STK32B: variants seen among roughly 807,000 people sequenced by gnomAD.
The protein encoded by STK32B is serine/threonine-protein kinase 32B.
Under a neutral mutation model 52.6 loss-of-function variants are expected in STK32B, and 43 were observed. That is an observed-to-expected ratio of 0.82 (90% CI 0.64 to 1.05). The LOEUF (loss-of-function observed/expected upper bound fraction) is 1.05, where lower values mean the gene tolerates loss of function less well. STK32B is among the 50% of genes least tolerant of loss of function. The probability of loss-of-function intolerance (pLI) is 0.00; values close to 1 mark genes in which losing one functional copy is unlikely to be tolerated. For synonymous variants in STK32B, 238 were observed against 204.3 expected, an observed-to-expected ratio of 1.17 and a Z score of -1.41; for missense variants, 621 against 534.6, an observed-to-expected ratio of 1.16 and a Z score of -1.59.
rs1035590694 is a variant in STK32B, at chr4:5,429,869, G to GT, written c.562+12944dup. On this transcript the variant is annotated intron_variant, in intron 6 of 11. Transcript: ENST00000282908. ...TACAGAACTCTGGGTTAAGAGGGTG[G>GT]TTTTTTTTTCCTTAGTCACTTAAAT... 4.0e-3 allele frequency among the ~76,000 whole-genome samples: 602 copies of GT among 150,588 alleles called. 2 individuals are homozygous for GT. The highest frequency in any genetic ancestry group is 0.014 in the African/African-American group (562 of 41,100).
Position 5,217,856 on chromosome 4 carries a change from T to G in STK32B, c.260+49406T>G, listed in dbSNP as rs116570311. Reference sequence around the variant, plus strand: ...AGCCCTTCATTTGAATGCTGGCTCTTGTTTATTGAGAAAATTAGTCTACCA... The same window carrying G: ...AGCCCTTCATTTGAATGCTGGCTCTGGTTTATTGAGAAAATTAGTCTACCA... On this transcript the variant is annotated intron_variant, in intron 3 of 11. Coordinates refer to ENST00000282908, the MANE Select transcript of STK32B (RefSeq NM_018401.3). 8.5e-3 allele frequency among the ~76,000 whole-genome samples: 1,298 copies of G among 152,290 alleles called. 18 individuals are homozygous for G. Among genetic ancestry groups the G allele is most frequent in the African/African-American group, 0.028 (1,172 of 41,552 alleles).
rs189712237 is a variant in STK32B, at chr4:5,421,368, G to A, written c.562+4434G>A. Among the ~76,000 whole-genome samples the A allele has an allele frequency of 9.1e-3, 1,387 of 152,178 alleles. 27 individuals carry two copies. Among genetic ancestry groups the A allele is most frequent in the African/African-American group, 0.032 (1,319 of 41,544 alleles). ...GCCTCCCAAAGTGCTGGGATTACAG[G>A]CATGAGCCACCATGCCTGGCTAATT... is the stretch of plus-strand genomic sequence containing the variant. On this transcript the variant is annotated intron_variant, in intron 6 of 11. Transcript: ENST00000282908.
chr4:5,031,583 T>C, the STK32B span, among the ~76,000 whole-genome samples: 3 of 151,630 alleles, frequency 2.0e-5, no homozygotes, highest in African/African-American at 7.3e-5. Context: ...TAGGAGACTC[T>C]GTCTCCAAAA....
chr4:5,259,866 C>A (rs533351462), intron 3 of STK32B, among the ~76,000 whole-genome samples: 4 of 152,134 alleles, frequency 2.6e-5, no homozygotes, highest in African/African-American at 9.6e-5. Context: ...AGCTTATAAT[C>A]CTGCTCGCAG....
intron 1 of STK32B, among the ~76,000 whole-genome samples, chr4:5,095,802 G>A (rs1428338201): frequency 2.0e-5 from 3 of 152,200 alleles, no homozygotes; most frequent in Non-Finnish European, 4.4e-5. Context: ...GGCCCACAAT[G>A]AGCAACATAC....
intron 1 of STK32B, among the ~76,000 whole-genome samples, chr4:5,052,228 C>T (rs759966910): frequency 7.2e-4 from 109 of 152,068 alleles, no homozygotes; most frequent in Admixed American, 2.0e-3. Flanking sequence ...GGAGGCCAGT[C>T]GGGATGGTTC....
At chr4:5,457,934 GGGAGGGAA>G (rs1034319648) in intron 8 of STK32B, among the ~76,000 whole-genome samples, 23 of 147,144 alleles carry the variant, frequency 1.6e-4, no homozygotes, top group South Asian at 1.2e-3. Flanking sequence ...GAAGGAGGGA[GGGAGGGAA>G]GGAAGGAAGG....
Position 5,398,354 on chromosome 4 carries a change from C to A in STK32B, c.472+110C>A. 1 of 1,109,400 alleles carries A rather than the reference C, an allele frequency of 9.0e-7. No individual in the cohort carries two copies. The highest frequency in any genetic ancestry group is 1.3e-6 in the Non-Finnish European group (1 of 752,732). 68.7% of individuals were successfully genotyped at this position (1,109,400 alleles called of 1,614,324 possible). On this transcript the variant is annotated intron_variant, in intron 5 of 11. Coordinates refer to ENST00000282908, the MANE Select transcript of STK32B (RefSeq NM_018401.3). The surrounding 1 kb of genome is among the most constrained non-coding windows in gnomAD (Gnocchi z 4.9). ...TTGCTGAGTTGGACATTAGCATTGG[C>A]TAGAAACCTTCTCTTGTTTCAATCC...
chr4:5,254,367 G>GT (rs1419288578), intron 3 of STK32B, among the ~76,000 whole-genome samples: 1 of 150,978 alleles, frequency 6.6e-6, no homozygotes, highest in African/African-American at 2.5e-5. Context: ...CTTCTATATT[G>GT]TTTATTTGTT....
At chr4:5,294,926 C>A (rs187750249) in intron 3 of STK32B, among the ~76,000 whole-genome samples, 227 of 152,074 alleles carry the variant, frequency 1.5e-3, no homozygotes, top group South Asian at 7.7e-3. Context: ...AAATACCTCT[C>A]ATTATTTTGA....
intron 1 of STK32B, among the ~76,000 whole-genome samples, chr4:5,138,878 G>A (rs1374755037): frequency 6.6e-6 from 1 of 152,200 alleles, no homozygotes; most frequent in African/African-American, 2.4e-5. Context: ...TTCAGTAGGT[G>A]ATGGGAGTGA....
chr4:5,410,077 T>G (rs1711530671), intron 5 of STK32B, among the ~76,000 whole-genome samples: 1 of 152,148 alleles, frequency 6.6e-6, no homozygotes, highest in African/African-American at 2.4e-5. Flanking sequence ...AAAGAATAGT[T>G]CTGTGTGGTG....
At chr4:5,309,261 G>T (rs149234600) in intron 3 of STK32B, among the ~76,000 whole-genome samples, 29 of 152,082 alleles carry the variant, frequency 1.9e-4, no homozygotes, top group Non-Finnish European at 3.4e-4. Context: ...AAAATGGAAA[G>T]TTATCTCATG....
intron 1 of STK32B, among the ~76,000 whole-genome samples, chr4:5,092,693 T>C (rs918141097): frequency 1.3e-5 from 2 of 152,116 alleles, no homozygotes; most frequent in African/African-American, 4.8e-5. Flanking sequence ...AAGGGATGGT[T>C]GGGGTGCTAC....
At chr4:5,276,754 C>T (rs991012327) in intron 3 of STK32B, among the ~76,000 whole-genome samples, 39 of 151,948 alleles carry the variant, frequency 2.6e-4, no homozygotes, top group Non-Finnish European at 4.6e-4. Context: ...GGGGAAATGC[C>T]GCTCAGAAAC....
chr4:5,490,781 T>A (rs546052778), intron 11 of STK32B, among the ~76,000 whole-genome samples: 358 of 152,132 alleles, frequency 2.4e-3, no homozygotes, highest in Non-Finnish European at 4.8e-3. Context: ...TGTCCATGTG[T>A]TCTCATTGTT....
At chr4:5,428,704 A>AT (rs1208093753) in intron 6 of STK32B, among the ~76,000 whole-genome samples, 5 of 152,114 alleles carry the variant, frequency 3.3e-5, no homozygotes, top group African/African-American at 9.7e-5. Flanking sequence ...ATTTTTGTTG[A>AT]TTTTTTGTCT....
chr4:5,336,216 T>G (rs1034269692), intron 4 of STK32B, among the ~76,000 whole-genome samples: 8 of 150,460 alleles, frequency 5.3e-5, no homozygotes, highest in Non-Finnish European at 1.2e-4. Context: ...CTTTATGCCT[T>G]CATCCTCTAC....
chr4:5,356,996 C>A (rs1001689327), intron 4 of STK32B, among the ~76,000 whole-genome samples: 1 of 151,696 alleles, frequency 6.6e-6, no homozygotes, highest in African/African-American at 2.4e-5. Flanking sequence ...GAAACTCTCT[C>A]TCTCATATGT....
Sources: allele counts gnomAD v4.1 joint callset (sites outside exome capture counted in the v4.1 genomes callset), GRCh38; gene constraint gnomAD v4.1.1; non-coding constraint Gnocchi (gnomAD v3.1); transcripts MANE v1.5; gene names NCBI Gene and HGNC (gene_info 2026-07-23, HGNC 2026-07-21).